Variants in ARHGEF17 observed in about 807,000 individuals in gnomAD.
The protein encoded by ARHGEF17 is Rho guanine nucleotide exchange factor 17.
ARHGEF17 carries 80 observed loss-of-function variants against 174.0 expected under a neutral mutation model. The observed-to-expected ratio is 0.46, with a 90% confidence interval of 0.38 to 0.55. The LOEUF (loss-of-function observed/expected upper bound fraction) is 0.55, where lower values mean the gene tolerates loss of function less well. Ranked by LOEUF, ARHGEF17 falls within the 20% of genes least tolerant of loss-of-function variation. ARHGEF17 has a pLI of 0.00. For synonymous variants in ARHGEF17, 1,311 were observed against 1,189.1 expected (o/e 1.10, Z -2.11); for missense variants, 2,886 against 2,839.7 (o/e 1.02, Z -0.37).
chr11:73,360,520 C>A lies in ARHGEF17; in HGVS notation c.4407C>A (p.Ala1469=), dbSNP rs1390005454. The A allele has an allele frequency of 6.2e-7, 1 of 1,613,718 alleles. No individual in the cohort carries two copies. The highest frequency in any genetic ancestry group is 1.7e-5 in the Admixed American group (1 of 60,018). ...RLGFEQAFDE[A]KRKLASSKSC... ...GTTTTGAACAGGCCTTCGATGAGGC[C>A]AAGAGGAAGCTGGGTAAGCCAAGGC... Residue 1469 remains alanine, a synonymous_variant, in exon 11 of 21, where the codon GCC becomes GCA. Transcript: ENST00000263674.
chr11:73,310,304 C>T lies in ARHGEF17; in HGVS notation c.1666C>T (p.Arg556Cys), dbSNP rs766152076. 5.6e-6 allele frequency: 9 copies of T among 1,613,842 alleles called. No homozygotes were observed. Among genetic ancestry groups the T allele is most frequent in the South Asian group, 5.5e-5 (5 of 91,090 alleles). The change falls in exon 1 of 21, where the codon CGC becomes TGC. Residue 556 changes from arginine (R) to cysteine (C), a missense_variant. Around this residue, in one of 4 missense-constraint regions of ARHGEF17, gnomAD observed 1,728 missense variants for 1,461.2 expected, o/e 1.18. Coordinates refer to ENST00000263674, the MANE Select transcript of ARHGEF17 (RefSeq NM_014786.4). ...SFTCSEKPMA[R>C]RLPRTSALKS... ...CACCTGCTCTGAGAAGCCCATGGCCCGCCGCCTGCCCCGCACCAGTGCTCT... is the reference window on the plus strand; with the variant it reads ...CACCTGCTCTGAGAAGCCCATGGCCTGCCGCCTGCCCCGCACCAGTGCTCT...
intron 1 of ARHGEF17, among the ~76,000 whole-genome samples, chr11:73,345,296 A>AGGGCTGGCAATGGT (rs1326058329): frequency 1.3e-5 from 2 of 152,076 alleles, no homozygotes; most frequent in African/African-American, 4.8e-5. Flanking sequence ...GTCAGAGCCC[A>AGGGCTGGCAATGGT]GGGCTGGCAA....
chr11:73,311,408 A>G lies in ARHGEF17; in HGVS notation c.2770A>G (p.Lys924Glu), dbSNP rs753070536. The G allele has an allele frequency of 3.1e-6, 5 of 1,613,282 alleles. No individual in the cohort carries two copies. The Admixed American group carries it at 8.3e-5, about 27-fold the overall frequency. Residue 924 changes from lysine (K) to glutamate (E), a missense_variant, in exon 1 of 21, where the codon AAG (lysine) becomes GAG (glutamate). Coordinates refer to ENST00000263674, the MANE Select transcript of ARHGEF17 (RefSeq NM_014786.4). The part of the protein sequence containing the change: ...SPRLIRRGSK[K>E]RPARSSHQEL... ...GAGGCTAATCCGCCGAGGCTCCAAG[A>G]AGCGCCCAGCTCGGAGTAGTCACCA... is the stretch of plus-strand genomic sequence containing the variant.
intron 11 of ARHGEF17, 22 bp downstream of exon 11, chr11:73,360,555 C>T (rs1241439083): frequency 1.2e-6 from 2 of 1,612,358 alleles, no homozygotes; most frequent in African/African-American, 1.3e-5. Context: ...CACATGTTGG[C>T]CCTCTCCTCC....
intron 1 of ARHGEF17, among the ~76,000 whole-genome samples, chr11:73,318,740 C>T (rs1165704818): frequency 2.0e-5 from 3 of 152,070 alleles, no homozygotes; most frequent in Non-Finnish European, 4.4e-5. Context: ...AGAGCACACC[C>T]GAGGTGGGAA....
At chr11:73,351,311 CA>C (rs1195936438) in intron 2 of ARHGEF17, among the ~76,000 whole-genome samples, 3 of 143,204 alleles carry the variant, frequency 2.1e-5, no homozygotes, top group Non-Finnish European at 4.4e-5. Context: ...TATGCTTTTT[CA>C]AACAACACCC....
At position 73,359,875 on chromosome 11, in the gene ARHGEF17, A is replaced by G. The variant is rs1865707951; in HGVS notation, c.4129A>G (p.Ile1377Val). ...CAATCGGGAGAACATCCAGAAGGCC[A>G]TCAGCCGCCTTGATGAGGACCTCAC... ...ATNRENIQKA[I>V]SRLDEDLTTL... The change falls in exon 10 of 21, where the codon ATC (isoleucine) becomes GTC (valine). Residue 1377 changes from isoleucine to valine, a missense_variant. Coordinates refer to ENST00000263674, the MANE Select transcript of ARHGEF17 (RefSeq NM_014786.4). The G allele has an allele frequency of 6.2e-7, 1 of 1,613,466 alleles. No homozygotes were observed. The highest frequency in any genetic ancestry group is 1.1e-5 in the South Asian group (1 of 91,026).
rs1864767242 is a variant in ARHGEF17, at chr11:73,309,486, G to A, written c.848G>A (p.Gly283Asp). 1 of 1,548,132 alleles carries A rather than the reference G, an allele frequency of 6.5e-7. No homozygotes were observed. Among genetic ancestry groups the A allele is most frequent in the Non-Finnish European group, 8.7e-7 (1 of 1,145,572 alleles). The part of the protein sequence containing the change: ...HSSGSDDDRD[G>D]EGGHRWGGRP... ...TCGGGCAGTGACGACGACCGAGACG[G>A]TGAGGGCGGCCACCGCTGGGGAGGG... The change falls in exon 1 of 21, where the codon GGT becomes GAT. Residue 283 changes from glycine to aspartate, a missense_variant. Around this residue, in one of 4 missense-constraint regions of ARHGEF17, gnomAD observed 1,728 missense variants for 1,461.2 expected, o/e 1.18. Transcript: ENST00000263674.
At chr11:73,366,803 G>T (rs566888758) in intron 20 of ARHGEF17, among the ~76,000 whole-genome samples, 1 of 152,230 alleles carries the variant, frequency 6.6e-6, no homozygotes. Flanking sequence ...ACTTTGAGAG[G>T]TTGAAGGGGG....
At chr11:73,313,956 C>T (rs1864886446) in intron 1 of ARHGEF17, among the ~76,000 whole-genome samples, 1 of 152,224 alleles carries the variant, frequency 6.6e-6, no homozygotes, top group African/African-American at 2.4e-5. Flanking sequence ...AGCCACCAGG[C>T]TTGGCTTGTG....
intron 1 of ARHGEF17, among the ~76,000 whole-genome samples, chr11:73,318,856 C>G (rs1412741351): frequency 6.6e-6 from 1 of 152,192 alleles, no homozygotes; most frequent in Non-Finnish European, 1.5e-5. Context: ...CTCCTACTCT[C>G]CAGTCTGGAG....
At chr11:73,338,887 C>G (rs1865326559) in intron 1 of ARHGEF17, among the ~76,000 whole-genome samples, 1 of 152,050 alleles carries the variant, frequency 6.6e-6, no homozygotes, top group Non-Finnish European at 1.5e-5. Context: ...TAATAGAGTT[C>G]TTGATGTGGG....
chr11:73,340,040 C>G (rs1865345799), intron 1 of ARHGEF17, among the ~76,000 whole-genome samples: 1 of 152,170 alleles, frequency 6.6e-6, no homozygotes. Context: ...GCAGAACCAA[C>G]CTGCATAGGG....
rs371151305 is a variant in ARHGEF17, at chr11:73,341,760, G to A, written c.3193-5123G>A. Among the ~76,000 whole-genome samples, 3 of 152,360 alleles carry A rather than the reference G, an allele frequency of 2.0e-5. No homozygotes were observed. The South Asian group carries it at 6.2e-4, about 32-fold the overall frequency. Reference sequence around the variant, plus strand: ...ATCAAGCAAAGAGATGAGAGGAGTCGACAGATGGGCCTGGCTTGAGCTATG... The same window carrying A: ...ATCAAGCAAAGAGATGAGAGGAGTCAACAGATGGGCCTGGCTTGAGCTATG... On this transcript the variant is annotated intron_variant, in intron 1 of 20. Coordinates refer to ENST00000263674, the MANE Select transcript of ARHGEF17 (RefSeq NM_014786.4).
At chr11:73,321,708 A>G (rs188146196) in intron 1 of ARHGEF17, among the ~76,000 whole-genome samples, 3 of 152,330 alleles carry the variant, frequency 2.0e-5, no homozygotes, top group African/African-American at 7.2e-5. Flanking sequence ...TGGTTTCAAG[A>G]TGAAGGATTC....
In ARHGEF17 at chr11:73,365,041, G is replaced by A; in HGVS notation, c.5551-349G>A. 1 of 333,532 alleles carries A rather than the reference G, an allele frequency of 3.0e-6. No homozygotes were observed. Among genetic ancestry groups the A allele is most frequent in the East Asian group, 6.4e-5 (1 of 15,702 alleles). The allele number at this position is 333,532 out of a possible 1,614,324, so 20.7% of individuals were successfully genotyped here. On this transcript the variant is annotated intron_variant, in intron 18 of 20. Coordinates refer to ENST00000263674, the MANE Select transcript of ARHGEF17 (RefSeq NM_014786.4). The surrounding 1 kb of genome is among the most constrained non-coding windows in gnomAD (Gnocchi z 4.9). The stretch of plus-strand genomic sequence containing the variant: ...TGGCTGGGCAGGAGTCCAAAGCCCT[G>A]GGTTCAGGCCCCAGCTCTGTGACTG...
chr11:73,337,406 G>GA (rs199793636), intron 1 of ARHGEF17, among the ~76,000 whole-genome samples: 2,580 of 48,166 alleles, frequency 0.054, 37 homozygotes, highest in African/African-American at 0.087. Flanking sequence ...CCTGTCTCAA[G>GA]AAAAAAAAAA....
chr11:73,355,925 G>A lies in ARHGEF17; in HGVS notation c.3635G>A (p.Arg1212Gln). 3 of 1,614,184 alleles carry A rather than the reference G, an allele frequency of 1.9e-6. No individual in the cohort carries two copies. The highest frequency in any genetic ancestry group is 2.5e-6 in the Non-Finnish European group (3 of 1,180,032). Residue 1212 changes from arginine to glutamine, a missense_variant, in exon 5 of 21, where the codon CGG (arginine) becomes CAG (glutamine). This residue lies in a region of ARHGEF17 where 353 missense variants were observed against 470.3 expected (regional missense o/e 0.75). Coordinates refer to ENST00000263674, the MANE Select transcript of ARHGEF17 (RefSeq NM_014786.4). The stretch of plus-strand genomic sequence containing the variant: ...GACCTCATGATCAAGCCTGTGCAGC[G>A]GATCCCACGCTACGAGCTTCTGGTG... ...LSDLMIKPVQ[R>Q]IPRYELLVKD...
chr11:73,366,509 G>A (rs149985463), intron 20 of ARHGEF17, among the ~76,000 whole-genome samples: 1,959 of 151,958 alleles, frequency 0.013, 38 homozygotes, highest in African/African-American at 0.045. Flanking sequence ...TGGGAGGATC[G>A]CTTGAGCCCA....
Sources: gnomAD v4.1 joint callset for allele counts (sites outside exome capture counted in the v4.1 genomes callset) on GRCh38, gnomAD v4.1.1 for gene constraint, gnomAD v4.1.1 regional missense constraint, Gnocchi (gnomAD v3.1) non-coding constraint, MANE v1.5 for transcripts, NCBI Gene and HGNC (gene_info 2026-07-23, HGNC 2026-07-21) for gene names.